TRABD2B: variants seen among roughly 807,000 people sequenced by gnomAD.
TRABD2B encodes the protein TraB domain containing 2B, also known as metalloprotease TIKI2.
In TRABD2B, 14 loss-of-function variants were observed where a neutral mutation model predicts 40.1. The observed-to-expected ratio is 0.35, with a 90% CI of 0.23 to 0.55. The LOEUF (loss-of-function observed/expected upper bound fraction) is 0.55. Among genes scored for constraint, TRABD2B ranks in the 20% least tolerant of loss-of-function variants. The probability of loss-of-function intolerance (pLI) is 0.90; values close to 1 mark genes in which losing one functional copy is unlikely to be tolerated. For synonymous variants in TRABD2B, 263 were observed against 277.0 expected (o/e 0.95, Z 0.50); for missense variants, 541 against 648.6 (o/e 0.83, Z 1.80).
rs1401014383 is a variant in TRABD2B, at chr1:47,892,297, G to A, written c.667-90678C>T. On this transcript the variant is annotated intron_variant, in intron 2 of 6. Transcript: ENST00000606738. ...AGGATGACTCTAAGACTTTTGGCCT[G>A]AACAACTGGCAGAATGGAACTGCCA... 2.0e-5 allele frequency among the ~76,000 whole-genome samples: 3 copies of A among 152,362 alleles called. No homozygotes were observed. In the East Asian group the frequency reaches 5.8e-4, roughly 29 times the overall value.
At chr1:47,935,086 G>T (rs910890366) in intron 2 of TRABD2B, among the ~76,000 whole-genome samples, 2 of 152,154 alleles carry the variant, frequency 1.3e-5, no homozygotes, top group African/African-American at 4.8e-5. Flanking sequence ...CCTCCCACCC[G>T]CAGGTAGACA....
Position 47,996,766 on chromosome 1 carries a change from C to A in TRABD2B, c.24G>T (p.Pro8=), listed in dbSNP as rs2148471268. The A allele has an allele frequency of 8.2e-7, 1 of 1,214,698 alleles. No individual in the cohort carries two copies. The highest frequency in any genetic ancestry group is 1.0e-6 in the Non-Finnish European group (1 of 976,504). The allele number at this position is 1,214,698 out of a possible 1,614,324, so 75.2% of individuals were successfully genotyped here. The part of the protein sequence containing the change: MHAALAG[P]LLAALLATAR... ...CGGTGGCGAGGAGGGCGGCGAGCAG[C>A]GGCCCCGCCAGGGCGGCGTGCATCC... The change falls in exon 1 of 7, where the codon CCG becomes CCT. Residue 8 remains proline, a synonymous_variant. Coordinates refer to ENST00000606738, the MANE Select transcript of TRABD2B (RefSeq NM_001194986.2). This position sits in a 1 kb window ranked among gnomAD's most constrained non-coding sequence, Gnocchi z 4.6.
rs72892399 is a variant in TRABD2B at position 47,825,356 on chromosome 1, C to T, written c.667-23737G>A. 8.1e-3 allele frequency among the ~76,000 whole-genome samples: 1,228 copies of T among 152,348 alleles called. 13 individuals carry two copies. The highest frequency in any genetic ancestry group is 0.028 in the African/African-American group (1,168 of 41,570). The stretch of plus-strand genomic sequence containing the variant: ...GCTCCCACTGCCTCCTTATCCTCCA[C>T]AGCCTGTCACCTCCTTTTTACATTC... On this transcript the variant is annotated intron_variant, in intron 2 of 6. Transcript: ENST00000606738.
At chr1:47,930,883 C>T (rs1645031717) in intron 2 of TRABD2B, among the ~76,000 whole-genome samples, 1 of 152,162 alleles carries the variant, frequency 6.6e-6, no homozygotes, top group Non-Finnish European at 1.5e-5. Context: ...GACCCGACCC[C>T]ACAGCTGTTG....
At position 47,986,717 on chromosome 1, in the gene TRABD2B, GA is replaced by G. The variant is rs765491182; in HGVS notation, c.666+7316del. Among the ~76,000 whole-genome samples, 53 of 152,138 alleles carry G rather than the reference GA, an allele frequency of 3.5e-4. 1 individual carries two copies. The highest frequency in any genetic ancestry group is 2.0e-3 in the Admixed American group (31 of 15,276). ...ATTCAGAAATAGAATAGAAAAGGAGGAAATTCCTAAAGAGGGAGGGGGCCTA... is the reference window on the plus strand; with the variant it reads ...ATTCAGAAATAGAATAGAAAAGGAGGAATTCCTAAAGAGGGAGGGGGCCTA... On this transcript the variant is annotated intron_variant, in intron 2 of 6. Coordinates refer to ENST00000606738, the MANE Select transcript of TRABD2B (RefSeq NM_001194986.2).
chr1:47,874,769 T>C (rs1192812748), intron 2 of TRABD2B, among the ~76,000 whole-genome samples: 1 of 150,730 alleles, frequency 6.6e-6, no homozygotes, highest in Non-Finnish European at 1.5e-5. Context: ...CACACACACA[T>C]ATACACATAT....
intron 4 of TRABD2B, among the ~76,000 whole-genome samples, chr1:47,779,735 T>C (rs1391399386): frequency 6.6e-6 from 1 of 152,130 alleles, no homozygotes; most frequent in African/African-American, 2.4e-5. Context: ...GCCCTGTGGC[T>C]GCACTCATTA....
At chr1:47,767,744 T>C (rs892864929) in intron 6 of TRABD2B, among the ~76,000 whole-genome samples, 4 of 152,218 alleles carry the variant, frequency 2.6e-5, no homozygotes, top group Admixed American at 2.6e-4. Flanking sequence ...TCATGGGGTC[T>C]GCAGCATGCG....
chr1:47,933,272 AT>A (rs111671588), intron 2 of TRABD2B, among the ~76,000 whole-genome samples: 3,608 of 146,322 alleles, frequency 0.025, 148 homozygotes, highest in African/African-American at 0.083. Flanking sequence ...CGCCTGGCTA[AT>A]TTTTTTTTTT....
intron 4 of TRABD2B, among the ~76,000 whole-genome samples, chr1:47,786,518 G>A (rs886512150): frequency 6.6e-6 from 1 of 152,228 alleles, no homozygotes; most frequent in Non-Finnish European, 1.5e-5. Context: ...TCTGGCCAAG[G>A]ATTGCAGCCC....
intron 5 of TRABD2B, among the ~76,000 whole-genome samples, chr1:47,778,189 C>T (rs962490824): frequency 6.6e-6 from 1 of 152,188 alleles, no homozygotes; most frequent in African/African-American, 2.4e-5. Flanking sequence ...TACCCCCGAC[C>T]CAACCCACCA....
rs562010004 is a variant in TRABD2B, at chr1:47,813,005, C to T, written c.667-11386G>A. 3.9e-5 allele frequency among the ~76,000 whole-genome samples: 6 copies of T among 152,206 alleles called. No homozygotes were observed. The highest frequency in any genetic ancestry group is 2.1e-4 in the South Asian group (1 of 4,818). ...GAGGGATAATGGTCTACACGGGAGG[C>T]GATCAGTCAGCGGTAGCCGTGGTTA... On this transcript the variant is annotated intron_variant, in intron 2 of 6. Coordinates refer to ENST00000606738, the MANE Select transcript of TRABD2B (RefSeq NM_001194986.2). The surrounding 1 kb of genome is among the most constrained non-coding windows in gnomAD (Gnocchi z 4.3).
chr1:47,966,954 G>A (rs1645612877), intron 2 of TRABD2B, among the ~76,000 whole-genome samples: 1 of 75,740 alleles, frequency 1.3e-5, no homozygotes, highest in Admixed American at 1.2e-4. Flanking sequence ...AAAATAATCG[G>A]GTCAATCCTT....
At chr1:47,769,669 C>A (rs569187197) in intron 6 of TRABD2B, among the ~76,000 whole-genome samples, 2 of 152,350 alleles carry the variant, frequency 1.3e-5, no homozygotes, top group East Asian at 3.9e-4. Context: ...CAAAGCCAAA[C>A]CAAACACTGC....
intron 2 of TRABD2B, among the ~76,000 whole-genome samples, chr1:47,939,260 C>A (rs1645154791): frequency 6.6e-6 from 1 of 151,930 alleles, no homozygotes; most frequent in South Asian, 2.1e-4. Context: ...AGGTCAAAAT[C>A]CAATAAAAGC....
In TRABD2B at chr1:47,765,825, G is replaced by A. The variant is rs905594585; in HGVS notation, c.*77C>T. 1.4e-5 allele frequency: 10 copies of A among 702,646 alleles called. No individual in the cohort carries two copies. Among genetic ancestry groups the A allele is most frequent in the African/African-American group, 1.2e-4 (7 of 57,256 alleles). The allele number at this position is 702,646 out of a possible 1,614,324, so 43.5% of individuals were successfully genotyped here. A position where few individuals can be genotyped will look rare whatever the true frequency, so the allele number is the denominator to read the frequency against. On this transcript the variant is annotated 3_prime_UTR_variant, in exon 7 of 7. Coordinates refer to ENST00000606738, the MANE Select transcript of TRABD2B (RefSeq NM_001194986.2). ...TCGACGTGTTGGGCACCCCCTGGAGGTGGTGGCAGGAGCAGTTGGGTGTGG... is the reference window on the plus strand; with the variant it reads ...TCGACGTGTTGGGCACCCCCTGGAGATGGTGGCAGGAGCAGTTGGGTGTGG...
chr1:47,817,622 T>C (rs933966248), intron 2 of TRABD2B, among the ~76,000 whole-genome samples: 3 of 152,178 alleles, frequency 2.0e-5, no homozygotes. Context: ...TCCTGAAATC[T>C]GTCCCCAGGA....
chr1:47,959,036 C>G (rs1645468583), intron 2 of TRABD2B, among the ~76,000 whole-genome samples: 1 of 152,162 alleles, frequency 6.6e-6, no homozygotes, highest in South Asian at 2.1e-4. Flanking sequence ...TGCAATCAAA[C>G]TAGAGCTCAG....
rs570324597 is a variant in TRABD2B, at chr1:47,945,507, C to T, written c.666+48527G>A. Among the ~76,000 whole-genome samples, 7 of 152,270 alleles carry T rather than the reference C, an allele frequency of 4.6e-5. No individual in the cohort carries two copies. The South Asian group carries it at 1.2e-3, about 27-fold the overall frequency. On this transcript the variant is annotated intron_variant, in intron 2 of 6. Transcript: ENST00000606738. ...GTGAGTTTTGATGAACATGTACAGT[C>T]ATGTAACCACCCAAATTGAGATATA...
Sources: allele counts gnomAD v4.1 joint callset (sites outside exome capture counted in the v4.1 genomes callset), GRCh38; gene constraint gnomAD v4.1.1; non-coding constraint Gnocchi (gnomAD v3.1); transcripts MANE v1.5; gene names NCBI Gene and HGNC (gene_info 2026-07-23, HGNC 2026-07-21).